The following APBB2 variants were observed in gnomAD, a reference collection of about 807,000 sequenced individuals.
APBB2 encodes the protein Fe65-like 1.
APBB2 carries 38 observed loss-of-function variants against 82.5 expected under a neutral mutation model. The observed-to-expected ratio is 0.46, with a 90% CI of 0.36 to 0.60. The LOEUF is 0.60. Among genes scored for constraint, APBB2 ranks in the 20% least tolerant of loss-of-function variants. The pLI is 0.00. For synonymous variants in APBB2, 341 were observed against 368.2 expected, an observed-to-expected ratio of 0.93 and a Z score of 0.85; for missense variants, 772 against 972.3, an observed-to-expected ratio of 0.79 and a Z score of 2.74.
At chr4:40,887,051 C>T (rs977799665) in intron 12 of APBB2, among the ~76,000 whole-genome samples, 3 of 152,174 alleles carry the variant, frequency 2.0e-5, no homozygotes, top group Non-Finnish European at 4.4e-5. Context: ...CATAGTTGTG[C>T]GACAACCAAA....
At chr4:40,940,043 T>C (rs1415423913) in intron 7 of APBB2, among the ~76,000 whole-genome samples, 2 of 152,196 alleles carry the variant, frequency 1.3e-5, no homozygotes, top group African/African-American at 4.8e-5. Flanking sequence ...GATTTATTTT[T>C]TCATTCAGCA....
intron 12 of APBB2, among the ~76,000 whole-genome samples, chr4:40,853,309 C>T (rs1166166216): frequency 1.3e-5 from 2 of 152,164 alleles, no homozygotes; most frequent in Non-Finnish European, 2.9e-5. Context: ...CTGGTTAACC[C>T]TCTTCACGGG....
intron 12 of APBB2, chr4:40,842,354 A>G (rs943835966): frequency 8.8e-6 from 4 of 455,512 alleles, no homozygotes; most frequent in Non-Finnish European, 1.8e-5. Context: ...GGGAGAAGTG[A>G]AAATCGGCCG....
intron 6 of APBB2, among the ~76,000 whole-genome samples, chr4:40,959,091 G>A (rs572160676): frequency 6.6e-5 from 10 of 152,256 alleles, no homozygotes; most frequent in African/African-American, 9.6e-5. Flanking sequence ...CTAGTCACTC[G>A]TCCTAACCAC....
chr4:41,002,852 T>C (rs1335782855), intron 6 of APBB2, among the ~76,000 whole-genome samples: 3 of 152,250 alleles, frequency 2.0e-5, no homozygotes, highest in African/African-American at 7.2e-5. Context: ...GCCTTTGTAG[T>C]GCCCTAAAGT....
At chr4:41,053,432 G>A (rs536717163) in intron 4 of APBB2, among the ~76,000 whole-genome samples, 20 of 150,768 alleles carry the variant, frequency 1.3e-4, no homozygotes, top group African/African-American at 4.1e-4. Flanking sequence ...TTTAGCAATA[G>A]AAAATTCCAG....
Position 40,935,113 on chromosome 4 carries a change from A to T in APBB2, c.1071T>A (p.Val357=). The change falls in exon 8 of 18, where the codon GTT becomes GTA. Residue 357 remains valine (V), a synonymous_variant. Coordinates refer to ENST00000508593, the MANE Select transcript of APBB2 (RefSeq NM_004307.2). ...NEKQPWSDFA[V]LNGGKINSDI... is the part of the protein sequence containing the mutation. The stretch of plus-strand genomic sequence containing the variant: ...CACTATTAATCTTTCCCCCATTCAG[A>T]ACAGCAAAATCACTCCATGGCTGTT... The T allele has an allele frequency of 6.5e-7, 1 of 1,536,090 alleles. No individual in the cohort carries two copies.
intron 12 of APBB2, among the ~76,000 whole-genome samples, chr4:40,857,392 T>C (rs1761623945): frequency 1.3e-5 from 2 of 152,240 alleles, no homozygotes; most frequent in Admixed American, 1.3e-4. Context: ...TTTTGGACTC[T>C]CAAGACTTAG....
At chr4:41,029,372 TCAA>T (rs1222071459) in intron 5 of APBB2, among the ~76,000 whole-genome samples, 4 of 152,180 alleles carry the variant, frequency 2.6e-5, no homozygotes, top group Non-Finnish European at 5.9e-5. Flanking sequence ...GCAAAAGTTA[TCAA>T]TAAGGCAGCT....
chr4:41,187,532 C>G lies in APBB2; in HGVS notation c.-417+26873G>C, dbSNP rs114073675. 8.5e-3 allele frequency among the ~76,000 whole-genome samples: 1,288 copies of G among 152,304 alleles called. 31 individuals are homozygous for G. Among genetic ancestry groups the G allele is most frequent in the African/African-American group, 0.03 (1,241 of 41,566 alleles). ...GGCTTTGTTATCTTTACCAAACCAT[C>G]AAGTACAATTCATGTTACCCTGGAC... On this transcript the variant is annotated intron_variant, in intron 1 of 17. Coordinates refer to ENST00000508593, the MANE Select transcript of APBB2 (RefSeq NM_004307.2).
At chr4:41,033,077 C>A (rs1181759175) in intron 5 of APBB2, among the ~76,000 whole-genome samples, 159 bp downstream of exon 5, 2 of 152,014 alleles carry the variant, frequency 1.3e-5, no homozygotes, top group Non-Finnish European at 2.9e-5. Context: ...GCCACCGCGC[C>A]CGGCCAAGAT....
chr4:41,075,783 A>G (rs1481989772), intron 3 of APBB2, among the ~76,000 whole-genome samples: 1 of 152,244 alleles, frequency 6.6e-6, no homozygotes. Context: ...CTTTAGAGAT[A>G]ACTGACCTTT....
chr4:40,838,137 A>T (rs112938599), intron 12 of APBB2, among the ~76,000 whole-genome samples: 180 of 8,264 alleles, frequency 0.022, no homozygotes, highest in African/African-American at 0.11. Flanking sequence ...TCAAGTGGGC[A>T]TTATTATTAT....
intron 12 of APBB2, among the ~76,000 whole-genome samples, chr4:40,867,308 T>G (rs1409566754): frequency 6.6e-6 from 1 of 152,264 alleles, no homozygotes; most frequent in Admixed American, 6.5e-5. Flanking sequence ...ATGAGTATAC[T>G]ATTTGTTAGC....
intron 12 of APBB2, among the ~76,000 whole-genome samples, chr4:40,887,199 C>T (rs186511708): frequency 2.0e-5 from 3 of 152,266 alleles, no homozygotes; most frequent in Admixed American, 2.0e-4. Context: ...AACTCATTCC[C>T]GAAGGAATTT....
intron 7 of APBB2, among the ~76,000 whole-genome samples, chr4:40,941,289 A>G (rs1169707819): frequency 2.6e-5 from 4 of 152,206 alleles, no homozygotes; most frequent in Non-Finnish European, 5.9e-5. Context: ...TTAGGAACCA[A>G]AGAAATGGTG....
chr4:41,071,749 CA>C (rs1310967537), intron 3 of APBB2, among the ~76,000 whole-genome samples: 1 of 152,032 alleles, frequency 6.6e-6, no homozygotes. Context: ...TCACGATTTT[CA>C]AAACAGCTGA....
chr4:40,923,369 C>A (rs117298166), intron 10 of APBB2, among the ~76,000 whole-genome samples: 1 of 152,222 alleles, frequency 6.6e-6, no homozygotes, highest in Non-Finnish European at 1.5e-5. Context: ...AGGCAGCAAG[C>A]CTGAGAGAAC....
intron 5 of APBB2, among the ~76,000 whole-genome samples, chr4:41,032,506 C>T (rs1001185746): frequency 6.8e-6 from 1 of 147,786 alleles, no homozygotes; most frequent in Non-Finnish European, 1.5e-5. Context: ...GTATTGGGGG[C>T]GGGGGGGGTT....
Sources: gnomAD v4.1 joint callset for allele counts (sites outside exome capture counted in the v4.1 genomes callset) on GRCh38, gnomAD v4.1.1 for gene constraint, MANE v1.5 for transcripts, NCBI Gene and HGNC (gene_info 2026-07-23, HGNC 2026-07-21) for gene names.